Variants in SAMD4B observed in about 807,000 individuals in gnomAD.
The protein encoded by SAMD4B is protein Smaug homolog 2.
A neutral mutation model predicts 74.5 loss-of-function variants in SAMD4B; 5 were observed. The ratio of observed to expected loss-of-function variants is 0.07; its 90% CI spans 0.04 to 0.14. The LOEUF (loss-of-function observed/expected upper bound fraction) is 0.14, where lower values mean the gene tolerates loss of function less well. SAMD4B is among the 10% of genes least tolerant of loss of function. The probability of loss-of-function intolerance (pLI) is 1.00; values close to 1 mark genes in which losing one functional copy is unlikely to be tolerated. For synonymous variants in SAMD4B, 373 were observed against 374.9 expected (o/e 1.00, Z 0.06); for missense variants, 608 against 921.8 (o/e 0.66, Z 4.41).
downstream of SAMD4B, chr19:39,389,432 T>TA (rs772362693): frequency 1.6e-5 from 25 of 1,607,878 alleles, no homozygotes; most frequent in Non-Finnish European, 2.0e-5. This position sits in a 1 kb window ranked among gnomAD's most constrained non-coding sequence, Gnocchi z 5.3. Context: ...CTCCTGCTTG[T>TA]AGGGCCCACC....
In SAMD4B at chr19:39,383,664, C is replaced by CT; in HGVS notation, c.*139dup. On this transcript the variant is annotated 3_prime_UTR_variant, in exon 14 of 14. Transcript: ENST00000610417. This position sits in a 1 kb window ranked among gnomAD's most constrained non-coding sequence, Gnocchi z 4.1. ...TAATATTTTTCTACTCTCTTACCCT[C>CT]TTAACTTTTGTTTAACATTGGCACA... 1 of 1,580,684 alleles carries CT rather than the reference C, an allele frequency of 6.3e-7. No homozygotes were observed. The highest frequency in any genetic ancestry group is 1.4e-5 in the African/African-American group (1 of 73,914).
chr19:39,380,034 A>C lies in SAMD4B; in HGVS notation c.1599A>C (p.Thr533=). Residue 533 remains threonine (T), a synonymous_variant, in exon 10 of 14, where the codon ACA becomes ACC. Transcript: ENST00000610417. The stretch of plus-strand genomic sequence containing the variant: ...AGCAAGTGCTGAAGCTCCTCCGGAC[A>C]TTCCCGCGCAAAGCCGCACTAGAGA... ...WKQQVLKLLR[T]FPRKAALEMQ... is the part of the protein sequence containing the mutation. The C allele has an allele frequency of 6.2e-7, 1 of 1,614,010 alleles. No individual in the cohort carries two copies. Among genetic ancestry groups the C allele is most frequent in the Non-Finnish European group, 8.5e-7 (1 of 1,179,974 alleles).
At chr19:39,387,414 T>G (rs1393710046), downstream of SAMD4B, among the ~76,000 whole-genome samples, 1 of 152,162 alleles carries the variant, frequency 6.6e-6, no homozygotes, top group Non-Finnish European at 1.5e-5. Flanking sequence ...TGTCAAATCA[T>G]TTGGATTTGG....
At chr19:39,344,289 C>T (rs895372247) in intron 1 of SAMD4B, among the ~76,000 whole-genome samples, 1 of 152,128 alleles carries the variant, frequency 6.6e-6, no homozygotes. Flanking sequence ...TCTCCTCTGA[C>T]ACTCTCTCAG....
chr19:39,369,612 C>T, intron 3 of SAMD4B, 43 bp from the exon 4 acceptor site: 1 of 1,540,872 alleles, frequency 6.5e-7, no homozygotes, highest in Non-Finnish European at 8.9e-7. Context: ...ATAGGAGTAC[C>T]CCACCCTGGC....
intron 9 of SAMD4B, among the ~76,000 whole-genome samples, chr19:39,379,349 C>T (rs946794262): frequency 3.9e-5 from 6 of 152,208 alleles, no homozygotes; most frequent in Non-Finnish European, 8.8e-5. Flanking sequence ...CCTCCTCACC[C>T]CTCAGCTGTC....
Position 39,378,414 on chromosome 19 carries a change from T to G in SAMD4B, c.1445-90T>G. Reference sequence around the variant, plus strand: ...ATATTCATCCAGCCTGAGTCTCCTGTTCCTTCTTGTGCACGAGCCAGCTGG... The same window carrying G: ...ATATTCATCCAGCCTGAGTCTCCTGGTCCTTCTTGTGCACGAGCCAGCTGG... On this transcript the variant is annotated intron_variant, in intron 8 of 13. Coordinates refer to ENST00000610417, the MANE Select transcript of SAMD4B (RefSeq NM_001384574.2). This position sits in a 1 kb window ranked among gnomAD's most constrained non-coding sequence, Gnocchi z 4.4. 1 of 1,119,630 alleles carries G rather than the reference T, an allele frequency of 8.9e-7. No homozygotes were observed. Among genetic ancestry groups the G allele is most frequent in the Non-Finnish European group, 1.4e-6 (1 of 739,780 alleles). The allele number at this position is 1,119,630 out of a possible 1,614,324, so 69.4% of individuals were successfully genotyped here.
chr19:39,386,909 A>T, downstream of SAMD4B: 2 of 726,958 alleles, frequency 2.8e-6, no homozygotes, highest in Non-Finnish European at 5.0e-6. The surrounding 1 kb of genome is among the most constrained non-coding windows in gnomAD (Gnocchi z 6.1). Flanking sequence ...CCCCATCAAT[A>T]CTTAGAGTAA....
downstream of SAMD4B, chr19:39,388,976 C>T: frequency 6.2e-7 from 1 of 1,614,148 alleles, no homozygotes. Context: ...GGCATGACCT[C>T]CACCGGTGTG....
In SAMD4B at chr19:39,358,965, C is replaced by T. The variant is rs568132928; in HGVS notation, c.196+1876C>T. 2.6e-5 allele frequency among the ~76,000 whole-genome samples: 4 copies of T among 152,316 alleles called. No individual in the cohort carries two copies. In the South Asian group the frequency reaches 6.2e-4, roughly 24 times the overall value. ...AGTCACAGAAGCAGCATGATTGTAG[C>T]GGGAGACGGTTACTCAGGCCAGGGG... On this transcript the variant is annotated intron_variant, in intron 3 of 13. Transcript: ENST00000610417.
At chr19:39,360,041 C>G (rs907850135) in intron 3 of SAMD4B, 1 of 152,166 alleles carries the variant, frequency 6.6e-6, no homozygotes, top group Non-Finnish European at 1.5e-5. Context: ...AAAAAATTAG[C>G]CGGGCGTCGT....
intron 7 of SAMD4B, 115 bp downstream of exon 7, chr19:39,376,906 C>A (rs896240148): frequency 1.9e-5 from 15 of 798,976 alleles, no homozygotes; most frequent in East Asian, 8.1e-5. Flanking sequence ...AAATTCCCAG[C>A]CCTAGGGACC....
At position 39,369,795 on chromosome 19, in the gene SAMD4B, A is replaced by T. The variant is rs1031511519; in HGVS notation, c.337A>T (p.Ile113Phe). Residue 113 changes from isoleucine (I) to phenylalanine (F), a missense_variant, in exon 4 of 14, where the codon ATC (isoleucine) becomes TTC (phenylalanine). Coordinates refer to ENST00000610417, the MANE Select transcript of SAMD4B (RefSeq NM_001384574.2). ...RLLQKVLAYS[I>F]ESNAFIEESR... ...ACTGCAGAAAGTGCTGGCCTACTCA[A>T]TCGAGAGCAATGCTTTCATCGAGGA... is the stretch of plus-strand genomic sequence containing the variant. 1 of 1,614,080 alleles carries T rather than the reference A, an allele frequency of 6.2e-7. No individual in the cohort carries two copies. The highest frequency in any genetic ancestry group is 8.5e-7 in the Non-Finnish European group (1 of 1,180,026).
At chr19:39,371,307 A>G (rs929877099) in intron 4 of SAMD4B, among the ~76,000 whole-genome samples, 6 of 152,192 alleles carry the variant, frequency 3.9e-5, no homozygotes, top group Non-Finnish European at 5.9e-5. Flanking sequence ...CTCATCAGTT[A>G]TTCCTTGAGC....
Position 39,383,986 on chromosome 19 carries a change from A to G in SAMD4B, c.*459A>G. On this transcript the variant is annotated 3_prime_UTR_variant, in exon 14 of 14. Transcript: ENST00000610417. The surrounding 1 kb of genome is among the most constrained non-coding windows in gnomAD (Gnocchi z 4.1). ...GAACCTGCCCTCCAGAATGTTATTGAGAGGAGCTGGGGAGAAGGAAGGGGA... is the reference window on the plus strand; with the variant it reads ...GAACCTGCCCTCCAGAATGTTATTGGGAGGAGCTGGGGAGAAGGAAGGGGA... The G allele has an allele frequency of 2.1e-6, 1 of 471,838 alleles. No individual in the cohort carries two copies. The allele number at this position is 471,838 out of a possible 1,614,324, so 29.2% of individuals were successfully genotyped here.
Position 39,380,936 on chromosome 19 carries a change from G to A in SAMD4B, c.1849-54G>A, listed in dbSNP as rs372557446. 3.0e-5 allele frequency: 46 copies of A among 1,553,896 alleles called. No homozygotes were observed. The South Asian group carries it at 3.5e-4, about 12-fold the overall frequency. On this transcript the variant is annotated intron_variant, in intron 11 of 13. Transcript: ENST00000610417. ...GGCCTGTACCACCTCCACCACTCTT[G>A]GGTCTGGGCCTCTTCTGCACTCACT...
At chr19:39,385,975 C>T, downstream of SAMD4B, 1 of 1,612,740 alleles carries the variant, frequency 6.2e-7, no homozygotes, top group Non-Finnish European at 8.5e-7. Context: ...TGAACCAGCC[C>T]TGAATGCCCT....
At chr19:39,370,842 G>GT (rs1356156405) in intron 4 of SAMD4B, among the ~76,000 whole-genome samples, 1 of 152,182 alleles carries the variant, frequency 6.6e-6, no homozygotes, top group Non-Finnish European at 1.5e-5. Flanking sequence ...CATCACAACC[G>GT]TATCATTAGC....
At chr19:39,351,055 C>T (rs2076011792) in intron 1 of SAMD4B, 1 of 152,366 alleles carries the variant, frequency 6.6e-6, no homozygotes, top group Non-Finnish European at 1.5e-5. Context: ...GATCTTGGCT[C>T]ACTGCAACCT....
Sources: gnomAD v4.1 joint callset for allele counts (sites outside exome capture counted in the v4.1 genomes callset) on GRCh38, gnomAD v4.1.1 for gene constraint, Gnocchi (gnomAD v3.1) non-coding constraint, MANE v1.5 for transcripts, NCBI Gene and HGNC (gene_info 2026-07-23, HGNC 2026-07-21) for gene names.